PRKCH: variants seen among roughly 807,000 people sequenced by gnomAD.
The protein encoded by PRKCH is protein kinase C eta, also known as protein kinase C eta type.
A neutral mutation model predicts 82.5 loss-of-function variants in PRKCH; 28 were observed. That is an observed-to-expected ratio of 0.34 (90% CI 0.25 to 0.47). The LOEUF (loss-of-function observed/expected upper bound fraction) is 0.47, where lower values mean the gene tolerates loss of function less well. Ranked by LOEUF, PRKCH falls within the 20% of genes least tolerant of loss-of-function variation. PRKCH has a pLI of 1.00. For synonymous variants in PRKCH, 322 were observed against 327.4 expected, an observed-to-expected ratio of 0.98 and a Z score of 0.18; for missense variants, 705 against 881.8, an observed-to-expected ratio of 0.80 and a Z score of 2.54.
At chr14:61,487,552 TCC>T (rs1309099361) in intron 10 of PRKCH, among the ~76,000 whole-genome samples, 4 of 152,146 alleles carry the variant, frequency 2.6e-5, no homozygotes, top group African/African-American at 9.7e-5. Context: ...TGTTCTCCTC[TCC>T]GCGGCTAATC....
chr14:61,538,404 C>T (rs1360048764), intron 12 of PRKCH, among the ~76,000 whole-genome samples: 1 of 152,194 alleles, frequency 6.6e-6, no homozygotes, highest in African/African-American at 2.4e-5. Context: ...AAACACTGCT[C>T]TTCCCAGAGA....
At chr14:61,272,228 CAA>C (rs948687379) in intron 1 of PRKCH, among the ~76,000 whole-genome samples, 2 of 91,176 alleles carry the variant, frequency 2.2e-5, no homozygotes, top group African/African-American at 4.4e-5. Context: ...ACTCGGTCTC[CAA>C]AAAAAAAAGA....
At position 61,485,956 on chromosome 14, in the gene PRKCH, A is replaced by G. The variant is rs1367569072; in HGVS notation, c.1433+300A>G. On this transcript the variant is annotated intron_variant, in intron 10 of 13. Transcript: ENST00000332981. ...TTTATTTTTTATTTTTTGTAGAGAC[A>G]GGGGTCTTGCAATGTTGCCCAGGCT... Among the ~76,000 whole-genome samples, 8 of 152,250 alleles carry G rather than the reference A, an allele frequency of 5.3e-5. No individual in the cohort carries two copies. In the East Asian group the frequency reaches 1.4e-3, roughly 26 times the overall value.
At chr14:61,483,343 C>G (rs1390660309) in intron 9 of PRKCH, among the ~76,000 whole-genome samples, 1 of 152,228 alleles carries the variant, frequency 6.6e-6, no homozygotes, top group African/African-American at 2.4e-5. Context: ...TGCCTCTCCC[C>G]TTGTCAGTCA....
rs1341745494 is a variant in PRKCH at position 61,432,865 on chromosome 14, T to C, written c.428-10246T>C. Among the ~76,000 whole-genome samples the C allele has an allele frequency of 2.6e-5, 4 of 151,306 alleles. No individual in the cohort carries two copies. In the East Asian group the frequency reaches 5.8e-4, roughly 22 times the overall value. On this transcript the variant is annotated intron_variant, in intron 2 of 13. Coordinates refer to ENST00000332981, the MANE Select transcript of PRKCH (RefSeq NM_006255.5). ...CTGAGATAATAGGCGTGAGCCACCG[T>C]GATCCCCTTTACCTTTTTCTTTTTT...
intron 12 of PRKCH, among the ~76,000 whole-genome samples, chr14:61,539,367 C>T (rs1050448451): frequency 9.9e-5 from 15 of 152,186 alleles, no homozygotes; most frequent in Non-Finnish European, 1.8e-4. Context: ...AAACCCACCA[C>T]GGATTTGAGC....
At chr14:61,288,410 T>C (rs1409140128) in intron 1 of PRKCH, among the ~76,000 whole-genome samples, 1 of 152,104 alleles carries the variant, frequency 6.6e-6, no homozygotes, top group Non-Finnish European at 1.5e-5. Flanking sequence ...AAACATACTT[T>C]CAATTCCATT....
intron 1 of PRKCH, among the ~76,000 whole-genome samples, chr14:61,309,578 C>A (rs1322025597): frequency 6.6e-6 from 1 of 152,110 alleles, no homozygotes; most frequent in Non-Finnish European, 1.5e-5. Flanking sequence ...AGGATGCAAA[C>A]CAAAGTCTTT....
intron 1 of PRKCH, among the ~76,000 whole-genome samples, chr14:61,284,049 T>G (rs935179439): frequency 3.9e-5 from 6 of 152,120 alleles, no homozygotes; most frequent in African/African-American, 1.4e-4. Flanking sequence ...GGTGGCAAGC[T>G]TACTGATAGT....
At chr14:61,392,087 T>A (rs530559217) in intron 2 of PRKCH, among the ~76,000 whole-genome samples, 1 of 152,190 alleles carries the variant, frequency 6.6e-6, no homozygotes, top group Non-Finnish European at 1.5e-5. Flanking sequence ...ATATCAGTAT[T>A]TTTTTCATTT....
At chr14:61,537,314 G>A (rs2043124768) in intron 12 of PRKCH, among the ~76,000 whole-genome samples, 1 of 152,136 alleles carries the variant, frequency 6.6e-6, no homozygotes, top group Non-Finnish European at 1.5e-5. Flanking sequence ...ACACATTTGT[G>A]TAAAGAAAAA....
intron 1 of PRKCH, among the ~76,000 whole-genome samples, chr14:61,224,568 T>C (rs1233337533): frequency 6.6e-6 from 1 of 152,204 alleles, no homozygotes; most frequent in African/African-American, 2.4e-5. Flanking sequence ...TTTCGAAGAA[T>C]GTCCCTCCGT....
At chr14:61,394,472 AAC>A (rs1304487166) in intron 2 of PRKCH, among the ~76,000 whole-genome samples, 1 of 152,242 alleles carries the variant, frequency 6.6e-6, no homozygotes, top group Non-Finnish European at 1.5e-5. Flanking sequence ...GGTAGAAAGA[AAC>A]ACAACAGTGA....
At chr14:61,200,410 T>TG (rs1491116444) in intron 1 of PRKCH, among the ~76,000 whole-genome samples, 5,881 of 149,582 alleles carry the variant, frequency 0.039, 360 homozygotes, top group African/African-American at 0.14. Flanking sequence ...TGTGTGTGTG[T>TG]TTGTGTGTTA....
intron 1 of PRKCH, among the ~76,000 whole-genome samples, chr14:61,355,875 AAG>A (rs2046141022): frequency 6.6e-6 from 1 of 152,226 alleles, no homozygotes; most frequent in African/African-American, 2.4e-5. Context: ...TGTCACTTGC[AAG>A]AGAGGCAGCA....
At chr14:61,333,653 A>T (rs183394626) in intron 1 of PRKCH, among the ~76,000 whole-genome samples, 18 of 152,162 alleles carry the variant, frequency 1.2e-4, no homozygotes, top group Admixed American at 2.0e-4. Context: ...GTGTTTTCAA[A>T]AGCCTCTATT....
At chr14:61,524,512 T>G (rs1329024855) in intron 10 of PRKCH, among the ~76,000 whole-genome samples, 8 of 152,246 alleles carry the variant, frequency 5.3e-5, no homozygotes, top group Non-Finnish European at 1.2e-4. Flanking sequence ...GTAGCCTTGT[T>G]AAGTTCAGCT....
At chr14:61,188,510 C>T (rs2044381768) in intron 1 of PRKCH, among the ~76,000 whole-genome samples, 1 of 149,988 alleles carries the variant, frequency 6.7e-6, no homozygotes, top group Non-Finnish European at 1.5e-5. Flanking sequence ...TCTTCCCCTC[C>T]GGGCGCCTCC....
At chr14:61,209,595 A>G (rs1298656243) in intron 1 of PRKCH, among the ~76,000 whole-genome samples, 1 of 152,186 alleles carries the variant, frequency 6.6e-6, no homozygotes, top group African/African-American at 2.4e-5. Context: ...AATGTCAGAC[A>G]TAGACTGGAC....
Sources: allele counts gnomAD v4.1 joint callset (sites outside exome capture counted in the v4.1 genomes callset), GRCh38; gene constraint gnomAD v4.1.1; transcripts MANE v1.5; gene names NCBI Gene and HGNC (gene_info 2026-07-23, HGNC 2026-07-21).